PABPC4L: variants seen among roughly 807,000 people sequenced by gnomAD.
The protein encoded by PABPC4L is polyadenylate-binding protein 4-like.
For missense variants in PABPC4L, 452 were observed against 451.4 expected (o/e 1.00, Z -0.01); for synonymous variants, 169 against 164.1 (o/e 1.03, Z -0.23).
chr4:134,164,621 T>C, the PABPC4L span, among the ~76,000 whole-genome samples: 2 of 152,118 alleles, frequency 1.3e-5, no homozygotes, highest in Middle Eastern at 3.2e-3. Flanking sequence ...ACATAAATCA[T>C]CTTCTATACA....
chr4:134,147,283 T>C, the PABPC4L span, among the ~76,000 whole-genome samples: 12 of 152,250 alleles, frequency 7.9e-5, no homozygotes, highest in African/African-American at 2.9e-4. Flanking sequence ...TTAAATGTTA[T>C]AGAAATAATA....
chr4:134,155,017 A>T, the PABPC4L span, among the ~76,000 whole-genome samples: 1 of 152,068 alleles, frequency 6.6e-6, no homozygotes, highest in Non-Finnish European at 1.5e-5. Context: ...TATTATACAA[A>T]TGCTATCACA....
chr4:134,027,618 T>C, the PABPC4L span, among the ~76,000 whole-genome samples: 1 of 152,158 alleles, frequency 6.6e-6, no homozygotes, highest in South Asian at 2.1e-4. Flanking sequence ...CTGGATCATA[T>C]AGTAATTGTA....
At chr4:134,164,616 A>G in the PABPC4L span, among the ~76,000 whole-genome samples, 11 of 152,314 alleles carry the variant, frequency 7.2e-5, no homozygotes, top group South Asian at 2.3e-3. Flanking sequence ...TGGTAACATA[A>G]ATCATCTTCT....
At chr4:134,097,432 G>A in the PABPC4L span, among the ~76,000 whole-genome samples, 10 of 151,768 alleles carry the variant, frequency 6.6e-5, no homozygotes, top group East Asian at 5.8e-4. Context: ...TTTACCCTTC[G>A]CAGACCAATC....
chr4:134,124,473 A>C, the PABPC4L span, among the ~76,000 whole-genome samples: 3 of 152,002 alleles, frequency 2.0e-5, no homozygotes, highest in Non-Finnish European at 4.4e-5. Flanking sequence ...TAAAACCTCT[A>C]ACCTTCTCTT....
At chr4:134,041,039 A>T in the PABPC4L span, among the ~76,000 whole-genome samples, 1 of 152,166 alleles carries the variant, frequency 6.6e-6, no homozygotes, top group Non-Finnish European at 1.5e-5. Flanking sequence ...ATCTCATGTC[A>T]GTTAGAATGG....
At chr4:134,133,400 T>A in the PABPC4L span, among the ~76,000 whole-genome samples, 1 of 143,950 alleles carries the variant, frequency 6.9e-6, no homozygotes, top group Non-Finnish European at 1.5e-5. Context: ...ATAATAAATA[T>A]TATATATTAT....
the PABPC4L span, among the ~76,000 whole-genome samples, chr4:134,089,194 T>G: frequency 1.3e-5 from 2 of 152,156 alleles, no homozygotes; most frequent in African/African-American, 4.8e-5. Flanking sequence ...GTTTTATAAA[T>G]TTTTATTATT....
chr4:134,021,922 A>T, the PABPC4L span, among the ~76,000 whole-genome samples: 1 of 152,096 alleles, frequency 6.6e-6, no homozygotes, highest in African/African-American at 2.4e-5. Flanking sequence ...TTCATGTAAA[A>T]TAAGCTAGAC....
the PABPC4L span, among the ~76,000 whole-genome samples, chr4:134,190,580 A>T: frequency 6.7e-3 from 1,015 of 152,238 alleles, 10 homozygotes; most frequent in African/African-American, 0.023. Context: ...TAAATCATAA[A>T]GCATGACTAT....
the PABPC4L span, among the ~76,000 whole-genome samples, chr4:134,147,619 G>A: frequency 6.6e-6 from 1 of 151,900 alleles, no homozygotes; most frequent in Non-Finnish European, 1.5e-5. Flanking sequence ...ATTTACTCTT[G>A]AAATGCTATT....
chr4:134,014,684 A>G, the PABPC4L span, among the ~76,000 whole-genome samples: 1 of 150,700 alleles, frequency 6.6e-6, no homozygotes, highest in Admixed American at 6.7e-5. Context: ...CCCTTAGACC[A>G]TCACGGATGC....
the PABPC4L span, among the ~76,000 whole-genome samples, chr4:133,999,792 T>C: frequency 6.6e-5 from 10 of 152,112 alleles, no homozygotes; most frequent in East Asian, 1.9e-3. Flanking sequence ...CAATTTTCAG[T>C]TCCTTTGTTG....
the PABPC4L span, among the ~76,000 whole-genome samples, chr4:134,157,943 G>T: frequency 2.0e-5 from 3 of 151,636 alleles, no homozygotes; most frequent in Non-Finnish European, 1.5e-5. Flanking sequence ...TCATTATGTG[G>T]TCACTTATTT....
At chr4:134,034,630 G>A in the PABPC4L span, among the ~76,000 whole-genome samples, 2 of 151,972 alleles carry the variant, frequency 1.3e-5, no homozygotes, top group African/African-American at 4.8e-5. Flanking sequence ...GGATGATTTT[G>A]AGGAATTCAA....
the PABPC4L span, among the ~76,000 whole-genome samples, chr4:134,185,815 G>A: frequency 1.3e-5 from 2 of 152,116 alleles, no homozygotes; most frequent in African/African-American, 4.8e-5. Flanking sequence ...ATCTCCTTAA[G>A]CTGATAAGCA....
chr4:133,985,976 C>T, the PABPC4L span, among the ~76,000 whole-genome samples: 4 of 152,108 alleles, frequency 2.6e-5, no homozygotes, highest in Admixed American at 2.6e-4. Context: ...CTGGTGTCTG[C>T]AGAACGTTAC....
chr4:134,033,854 G>A, the PABPC4L span, among the ~76,000 whole-genome samples: 9 of 151,954 alleles, frequency 5.9e-5, no homozygotes, highest in Non-Finnish European at 1.3e-4. Context: ...AAAGTGTAAG[G>A]TGAAGCATCA....
Sources: gnomAD v4.1 joint callset for allele counts (sites outside exome capture counted in the v4.1 genomes callset) on GRCh38, gnomAD v4.1.1 for gene constraint, MANE v1.5 for transcripts, NCBI Gene and HGNC (gene_info 2026-07-23, HGNC 2026-07-21) for gene names.